The following COL4A1 variants were observed in gnomAD, a reference collection of about 807,000 sequenced individuals.
The protein encoded by COL4A1 is collagen alpha-1(IV) chain.
A neutral mutation model predicts 216.6 loss-of-function variants in COL4A1; 40 were observed. The ratio of observed to expected loss-of-function variants is 0.18; its 90% confidence interval spans 0.14 to 0.24. The LOEUF (loss-of-function observed/expected upper bound fraction) is 0.24, where lower values mean the gene tolerates loss of function less well. Among genes scored for constraint, COL4A1 ranks in the 10% least tolerant of loss-of-function variants. The probability of loss-of-function intolerance (pLI) is 1.00; values close to 1 mark genes in which losing one functional copy is unlikely to be tolerated. For synonymous variants in COL4A1, 839 were observed against 810.7 expected, an observed-to-expected ratio of 1.03 and a Z score of -0.59; for missense variants, 1,628 against 2,196.8, an observed-to-expected ratio of 0.74 and a Z score of 5.18.
intron 1 of COL4A1, among the ~76,000 whole-genome samples, chr13:110,249,526 G>T (rs1881984851): frequency 6.6e-6 from 1 of 152,052 alleles, no homozygotes; most frequent in African/African-American, 2.4e-5. Flanking sequence ...GACAAACTGG[G>T]TGACTCCATT....
chr13:110,162,435 T>A lies in COL4A1; in HGVS notation c.4257A>T (p.Arg1419Ser). The A allele has an allele frequency of 1.2e-6, 2 of 1,613,824 alleles. No homozygotes were observed. Among genetic ancestry groups the A allele is most frequent in the Non-Finnish European group, 1.7e-6 (2 of 1,179,788 alleles). Residue 1419 changes from arginine to serine, a missense_variant, in exon 48 of 52, where the codon AGA (arginine) becomes AGT (serine). Transcript: ENST00000375820. ...EMGPAGPTGP[R>S]GFPGPPGPDG... ...CGGGGCCTGGTGGACCTGGAAATCCTCTTGGACCTGGAAGATAGGAGACAA... is the reference window on the plus strand; with the variant it reads ...CGGGGCCTGGTGGACCTGGAAATCCACTTGGACCTGGAAGATAGGAGACAA...
Position 110,242,904 on chromosome 13 carries a change from T to A in COL4A1, c.85-170A>T, listed in dbSNP as rs565303940. Among the ~76,000 whole-genome samples the A allele has an allele frequency of 1.3e-3, 195 of 152,346 alleles. 1 individual carries two copies. Among genetic ancestry groups the A allele is most frequent in the African/African-American group, 4.4e-3 (185 of 41,588 alleles). On this transcript the variant is annotated intron_variant, in intron 1 of 51. Coordinates refer to ENST00000375820, the MANE Select transcript of COL4A1 (RefSeq NM_001845.6). The stretch of plus-strand genomic sequence containing the variant: ...TCATGGGGCTGTCATGCAGTTCCAC[T>A]TAGGGTGCAGATCCCCTGCCCAAAT...
intron 30 of COL4A1, 90 bp from the exon 31 acceptor site, chr13:110,179,126 C>T (rs909809277): frequency 2.2e-5 from 33 of 1,531,464 alleles, no homozygotes; most frequent in Middle Eastern, 4.0e-4. Flanking sequence ...GCCCCAGCAA[C>T]GGAAAGCCAC....
intron 29 of COL4A1, 95 bp downstream of exon 29, chr13:110,181,197 A>C: frequency 8.2e-7 from 1 of 1,219,848 alleles, no homozygotes; most frequent in Non-Finnish European, 1.2e-6. Context: ...CTGCTGGCCC[A>C]ACATGTCCTG....
chr13:110,276,220 T>G (rs1315355362), intron 1 of COL4A1, among the ~76,000 whole-genome samples: 1 of 152,174 alleles, frequency 6.6e-6, no homozygotes, highest in Non-Finnish European at 1.5e-5. Flanking sequence ...AACCTAAACT[T>G]GCTCTAAAAA....
intron 42 of COL4A1, 114 bp downstream of exon 42, chr13:110,170,433 G>T (rs1877582800): frequency 8.7e-6 from 10 of 1,147,218 alleles, no homozygotes; most frequent in Non-Finnish European, 1.3e-5. Flanking sequence ...AATAAATGCT[G>T]CAGACTTCTA....
intron 17 of COL4A1, among the ~76,000 whole-genome samples, 194 bp from the exon 18 acceptor site, chr13:110,203,801 A>T (rs958927419): frequency 2.6e-5 from 4 of 152,226 alleles, no homozygotes; most frequent in Non-Finnish European, 5.9e-5. Flanking sequence ...TTGCACACGC[A>T]TGACACATGA....
rs1189232318 is a variant in COL4A1, at chr13:110,252,606, AT to A, written c.85-9873del. Among the ~76,000 whole-genome samples, 48 of 70,160 alleles carry A rather than the reference AT, an allele frequency of 6.8e-4. 14 individuals carry two copies. Among genetic ancestry groups the A allele is most frequent in the Admixed American group, 2.8e-3 (16 of 5,708 alleles). 46.0% of individuals were successfully genotyped at this position (70,160 alleles called of 152,430 possible). ...TACGTATAATTATACGTATATATGT[AT>A]TATATATGTATAATTGTATATATTA... On this transcript the variant is annotated intron_variant, in intron 1 of 51. Coordinates refer to ENST00000375820, the MANE Select transcript of COL4A1 (RefSeq NM_001845.6).
At chr13:110,295,544 G>A (rs1396101762) in intron 1 of COL4A1, among the ~76,000 whole-genome samples, 1 of 148,276 alleles carries the variant, frequency 6.7e-6, no homozygotes, top group Non-Finnish European at 1.5e-5. Context: ...TCCTGCCTCA[G>A]CCTCCCAAGT....
At chr13:110,151,208 G>A (rs1876482733) in intron 51 of COL4A1, among the ~76,000 whole-genome samples, 1 of 151,976 alleles carries the variant, frequency 6.6e-6, no homozygotes, top group African/African-American at 2.4e-5. Flanking sequence ...AACTTTTGGT[G>A]CAAATTCTAG....
Position 110,150,458 on chromosome 13 carries a change from C to G in COL4A1, c.4929-14G>C, listed in dbSNP as rs1459501750. 1 of 1,613,270 alleles carries G rather than the reference C, an allele frequency of 6.2e-7. No individual in the cohort carries two copies. The highest frequency in any genetic ancestry group is 8.5e-7 in the Non-Finnish European group (1 of 1,179,556). ...GGCGTAGGCTTCCTAAAACACGACA[C>G]AGAGACAGACCATTGGCCATCATCT... On this transcript the variant is annotated splice_polypyrimidine_tract_variant and intron_variant, in intron 51 of 51. Transcript: ENST00000375820.
At chr13:110,205,653 A>G (rs970461000) in intron 15 of COL4A1, 115 bp from the exon 16 acceptor site, 4 of 1,115,654 alleles carry the variant, frequency 3.6e-6, no homozygotes, top group Non-Finnish European at 5.4e-6. Context: ...ACCTGAGGTC[A>G]GGAGTTCGAG....
At chr13:110,280,056 G>A (rs1374717125) in intron 1 of COL4A1, among the ~76,000 whole-genome samples, 2 of 152,120 alleles carry the variant, frequency 1.3e-5, no homozygotes, top group Non-Finnish European at 2.9e-5. Flanking sequence ...AATATTTTCT[G>A]TTTCTATTGG....
At chr13:110,248,757 C>T (rs1206307277) in intron 1 of COL4A1, among the ~76,000 whole-genome samples, 2 of 152,166 alleles carry the variant, frequency 1.3e-5, no homozygotes, top group South Asian at 4.1e-4. Flanking sequence ...CCTCCCAAAA[C>T]GCTGGGATTA....
Position 110,198,413 on chromosome 13 carries a change from G to A in COL4A1, c.1285+54C>T, listed in dbSNP as rs148032432. ...CACAGCCCCCAACCTGGGTCTGCCCGGCACCCTGGTGTCTGCTTGCACCCC... is the reference window on the plus strand; with the variant it reads ...CACAGCCCCCAACCTGGGTCTGCCCAGCACCCTGGTGTCTGCTTGCACCCC... On this transcript the variant is annotated intron_variant, in intron 21 of 51. Coordinates refer to ENST00000375820, the MANE Select transcript of COL4A1 (RefSeq NM_001845.6). 1.6e-3 allele frequency: 2,512 copies of A among 1,607,932 alleles called. 32 individuals are homozygous for A. The African/African-American group carries it at 0.03, about 19-fold the overall frequency.
At chr13:110,222,455 C>T (rs1307240372) in intron 2 of COL4A1, among the ~76,000 whole-genome samples, 2 of 152,120 alleles carry the variant, frequency 1.3e-5, no homozygotes, top group Non-Finnish European at 2.9e-5. Context: ...ATAAACTAAA[C>T]CTCCCTGGTG....
In COL4A1 at chr13:110,177,039, T is replaced by TG. The variant is rs748685515; in HGVS notation, c.2717-3dup. 5 of 1,613,748 alleles carry TG rather than the reference T, an allele frequency of 3.1e-6. No homozygotes were observed. Among genetic ancestry groups the TG allele is most frequent in the Non-Finnish European group, 4.2e-6 (5 of 1,180,022 alleles). The stretch of plus-strand genomic sequence containing the variant: ...AGGAGCCCGGAAAGCCATGGTCCCC[T>TG]GCAGAGGAAAGAGAAGGCACTGGTG... On this transcript the variant is annotated splice_polypyrimidine_tract_variant and splice_region_variant and intron_variant, in intron 33 of 51. Coordinates refer to ENST00000375820, the MANE Select transcript of COL4A1 (RefSeq NM_001845.6).
Position 110,200,770 on chromosome 13 carries a change from A to G in COL4A1, c.1120+84T>C, listed in dbSNP as rs879610677. 1.2e-5 allele frequency: 17 copies of G among 1,395,060 alleles called. No individual in the cohort carries two copies. The Admixed American group carries it at 2.6e-4, about 21-fold the overall frequency. 86.4% of individuals were successfully genotyped at this position (1,395,060 alleles called of 1,614,324 possible). A position where few individuals can be genotyped will look rare whatever the true frequency, so the allele number is the denominator to read the frequency against. On this transcript the variant is annotated intron_variant, in intron 20 of 51. Coordinates refer to ENST00000375820, the MANE Select transcript of COL4A1 (RefSeq NM_001845.6). The stretch of plus-strand genomic sequence containing the variant: ...TACCGATTGTGTGCAAATATCTAAC[A>G]TTCGTGATAAATTATATATTCAGAA...
chr13:110,246,764 A>T (rs1881832852), intron 1 of COL4A1, among the ~76,000 whole-genome samples: 1 of 152,190 alleles, frequency 6.6e-6, no homozygotes, highest in Non-Finnish European at 1.5e-5. Flanking sequence ...AAGAACTGGT[A>T]CATTCTGTGC....
Sources: allele counts gnomAD v4.1 joint callset (sites outside exome capture counted in the v4.1 genomes callset), GRCh38; gene constraint gnomAD v4.1.1; transcripts MANE v1.5; gene names NCBI Gene and HGNC (gene_info 2026-07-23, HGNC 2026-07-21).